The following ITGA2B variants were observed in gnomAD, a reference collection of about 807,000 sequenced individuals.
The protein encoded by ITGA2B is integrin subunit alpha 2b, also known as integrin alpha-IIb.
ITGA2B carries 91 observed loss-of-function variants against 142.0 expected under a neutral mutation model. The ratio of observed to expected loss-of-function variants is 0.64; its 90% CI spans 0.54 to 0.76. ITGA2B has a LOEUF of 0.76. Among genes scored for constraint, ITGA2B ranks in the 30% least tolerant of loss-of-function variants. The pLI is 0.00. For missense variants in ITGA2B, 1,231 were observed against 1,350.8 expected, an observed-to-expected ratio of 0.91 and a Z score of 1.39; for synonymous variants, 536 against 567.2, an observed-to-expected ratio of 0.94 and a Z score of 0.78.
intron 27 of ITGA2B, 117 bp from the exon 28 acceptor site, chr17:44,374,877 C>A: frequency 2.4e-6 from 3 of 1,255,388 alleles, no homozygotes; most frequent in Non-Finnish European, 3.4e-6. Flanking sequence ...CCACTGCAAT[C>A]CCCCAAAGTA....
Position 44,385,435 on chromosome 17 carries a change from G to T in ITGA2B, c.575-100C>A, listed in dbSNP as rs2048637635. On this transcript the variant is annotated intron_variant, in intron 4 of 29. Coordinates refer to ENST00000262407, the MANE Select transcript of ITGA2B (RefSeq NM_000419.5). ...ACAGGGGCGGGGCCTTGAGTCGGCG[G>T]GGCCCTGGGGCGAGGCCAGATCCAA... 3.9e-6 allele frequency: 6 copies of T among 1,527,798 alleles called. No homozygotes were observed. The Admixed American group carries it at 1.2e-4, about 30-fold the overall frequency. The allele number at this position is 1,527,798 out of a possible 1,614,324, so 94.6% of individuals were successfully genotyped here. A position where few individuals can be genotyped will look rare whatever the true frequency, so the allele number is the denominator to read the frequency against.
At chr17:44,374,551 C>T (rs892877453) in intron 28 of ITGA2B, 81 bp from the exon 29 acceptor site, 1 of 1,525,772 alleles carries the variant, frequency 6.6e-7, no homozygotes, top group Non-Finnish European at 9.1e-7. Flanking sequence ...TGGTGACCTC[C>T]AGCCATGCCA....
Position 44,374,644 on chromosome 17 carries a change from T to TC in ITGA2B, c.2943+14dup. On this transcript the variant is annotated intron_variant, in intron 28 of 29. Transcript: ENST00000262407. ...TCCTGCAGGACTGGTCTCTGCTCCATCCCCCCACACTCACCTGAGCTTCCC... is the reference window on the plus strand; with the variant it reads ...TCCTGCAGGACTGGTCTCTGCTCCATCCCCCCCACACTCACCTGAGCTTCCC... 5.0e-6 allele frequency: 8 copies of TC among 1,603,010 alleles called. No individual in the cohort carries two copies. The highest frequency in any genetic ancestry group is 6.8e-6 in the Non-Finnish European group (8 of 1,170,158).
At position 44,385,909 on chromosome 17, in the gene ITGA2B, C is replaced by T. The variant is rs1425022869; in HGVS notation, c.323G>A (p.Arg108Gln). Residue 108 changes from arginine (R) to glutamine (Q), a missense_variant, in exon 3 of 30, where the codon CGA (arginine) becomes CAA (glutamine). By Grantham distance (43) the Arg-to-Gln change is conservative. Transcript: ENST00000262407. ...TTGTAAAGTTTGGGAGCCTACATTT[C>T]GGGTCTCATCACCTGGAAGGCACAA... ...SLLFDLRDETRNVGSQTLQTF... is the reference protein window; with the variant it reads ...SLLFDLRDETQNVGSQTLQTF... 2 of 1,612,602 alleles carry T rather than the reference C, an allele frequency of 1.2e-6. No individual in the cohort carries two copies. Among genetic ancestry groups the T allele is most frequent in the African/African-American group, 1.3e-5 (1 of 75,022 alleles).
intron 12 of ITGA2B, among the ~76,000 whole-genome samples, chr17:44,382,806 C>T (rs79623095): frequency 0.011 from 1,607 of 152,250 alleles, 36 homozygotes; most frequent in African/African-American, 0.037. Context: ...CCTTGAGTCC[C>T]GGGCCATCAG....
In ITGA2B at chr17:44,374,371, C is replaced by A; in HGVS notation, c.3043G>T (p.Val1015Phe). 1.2e-6 allele frequency: 2 copies of A among 1,614,084 alleles called. No individual in the cohort carries two copies. Among genetic ancestry groups the A allele is most frequent in the Non-Finnish European group, 8.5e-7 (1 of 1,179,958 alleles). The change falls in exon 29 of 30, where the codon GTC (valine) becomes TTC (phenylalanine). Residue 1015 changes from valine to phenylalanine, a missense_variant. This residue lies in a region of ITGA2B where 908 missense variants were observed against 1,021.1 expected (regional missense o/e 0.89). Transcript: ENST00000262407. ...LGGLLLLTIL[V>F]LAMWKVGFFK... ...CACCTCACCTTCCACATGGCCAGGACCAGGATGGTGAGCAGCAGCAGGCCA... is the reference window on the plus strand; with the variant it reads ...CACCTCACCTTCCACATGGCCAGGAACAGGATGGTGAGCAGCAGCAGGCCA...
chr17:44,386,036 T>A lies in ITGA2B; in HGVS notation c.284A>T (p.Gln95Leu). 2.5e-6 allele frequency: 4 copies of A among 1,613,452 alleles called. No homozygotes were observed. The highest frequency in any genetic ancestry group is 3.4e-6 in the Non-Finnish European group (4 of 1,179,934). ...GAGGTCAAAGAGCAGCGAGGGGCACTGGCCGCCCTCGGCCCTCCAGGGGCA... is the reference window on the plus strand; with the variant it reads ...GAGGTCAAAGAGCAGCGAGGGGCACAGGCCGCCCTCGGCCCTCCAGGGGCA... Reference protein sequence around the residue: ...FLCPWRAEGGQCPSLLFDLRD... With the variant: ...FLCPWRAEGGLCPSLLFDLRD... Residue 95 changes from glutamine to leucine, a missense_variant, in exon 2 of 30, where the codon CAG becomes CTG. Transcript: ENST00000262407.
At chr17:44,378,234 A>C (rs2048561868) in intron 20 of ITGA2B, 128 bp downstream of exon 20, 1 of 1,267,110 alleles carries the variant, frequency 7.9e-7, no homozygotes, top group Non-Finnish European at 1.0e-6. Context: ...AAATTAAAAA[A>C]AAAATAAAAA....
Position 44,376,201 on chromosome 17 carries a change from C to T in ITGA2B, c.2349-17G>A. The T allele has an allele frequency of 6.2e-7, 1 of 1,614,066 alleles. No individual in the cohort carries two copies. The highest frequency in any genetic ancestry group is 8.5e-7 in the Non-Finnish European group (1 of 1,179,960). ...AAGGAGTTCCTGCAGGTGCCCAAGA[C>T]CCCCAGAGAGAGTGTGATGCCCTGA... On this transcript the variant is annotated splice_polypyrimidine_tract_variant and intron_variant, in intron 23 of 29. Coordinates refer to ENST00000262407, the MANE Select transcript of ITGA2B (RefSeq NM_000419.5).
At position 44,374,405 on chromosome 17, in the gene ITGA2B, A is replaced by C; in HGVS notation, c.3009T>G (p.Gly1003=). The change falls in exon 29 of 30, where the codon GGT becomes GGG. Residue 1003 remains glycine (G), a synonymous_variant. Transcript: ENST00000262407. ...RAIPIWWVLV[G]VLGGLLLLTI... ...TGAGCAGCAGCAGGCCACCCAGCAC[A>C]CCCACCAGCACCCACCAGATTGGAA... 6.2e-7 allele frequency: 1 copy of C among 1,613,988 alleles called. No individual in the cohort carries two copies. Among genetic ancestry groups the C allele is most frequent in the South Asian group, 1.1e-5 (1 of 91,070 alleles).
chr17:44,385,021 G>A lies in ITGA2B; in HGVS notation c.726C>T (p.Ile242=). Residue 242 remains isoleucine, a synonymous_variant, in exon 7 of 30, where the codon ATC becomes ATT. Coordinates refer to ENST00000262407, the MANE Select transcript of ITGA2B (RefSeq NM_000419.5). Reference sequence around the variant, plus strand: ...TCTGGGAGGACACGTGCCACAAAAGGATGCCTGGGCGGTAACTCGAGAAAA... The same window carrying A: ...TCTGGGAGGACACGTGCCACAAAAGAATGCCTGGGCGGTAACTCGAGAAAA... ...ADIFSSYRPG[I]LLWHVSSQSL... 3 of 1,614,212 alleles carry A rather than the reference G, an allele frequency of 1.9e-6. No homozygotes were observed. The highest frequency in any genetic ancestry group is 2.2e-5 in the East Asian group (1 of 44,878).
At chr17:44,377,898 G>GGGGT in intron 20 of ITGA2B, 108 bp from the exon 21 acceptor site, 2 of 339,576 alleles carry the variant, frequency 5.9e-6, no homozygotes, top group South Asian at 2.1e-5. Flanking sequence ...GGAGGGGGGG[G>GGGGT]TTTCTTGGGG....
chr17:44,378,411 AC>A lies in ITGA2B; in HGVS notation c.2044del (p.Val682CysfsTer13). The A allele has an allele frequency of 6.2e-7, 1 of 1,613,508 alleles. No homozygotes were observed. Among genetic ancestry groups the A allele is most frequent in the Non-Finnish European group, 8.5e-7 (1 of 1,179,950 alleles). On this transcript the variant is annotated frameshift_variant, in exon 20 of 30. Coordinates refer to ENST00000262407, the MANE Select transcript of ITGA2B (RefSeq NM_000419.5). LOFTEE classifies it high-confidence loss of function. ...GEGAYEAELA[V>X]HLPQGAHYMR... ...GTAGTGGGCGCCCTGGGGCAGGTGC[AC>A]GGCCAGCTCTGCTTCATAGGCCCCC...
intron 1 of ITGA2B, among the ~76,000 whole-genome samples, chr17:44,388,351 CTTTTT>C (rs35720866): frequency 2.1e-5 from 2 of 97,346 alleles, no homozygotes; most frequent in African/African-American, 9.2e-5. Context: ...CATTTCCTTT[CTTTTT>C]TTTTTTTTTT....
chr17:44,385,628 G>T lies in ITGA2B; in HGVS notation c.497C>A (p.Pro166Gln), dbSNP rs754999326. Residue 166 changes from proline to glutamine, a missense_variant, in exon 4 of 30, where the codon CCA becomes CAA. By Grantham distance (76) the Pro-to-Gln change is moderately conservative. Coordinates refer to ENST00000262407, the MANE Select transcript of ITGA2B (RefSeq NM_000419.5). ...GTACTCGGCGCGGCGGCCGCTCTCT[G>T]GCTGAGCCAAAAAGCAGCTACCTAC... is the stretch of plus-strand genomic sequence containing the variant. The part of the protein sequence containing the change: ...TPVGSCFLAQ[P>Q]ESGRRAEYSP... 1 of 1,613,200 alleles carries T rather than the reference G, an allele frequency of 6.2e-7. No individual in the cohort carries two copies. The highest frequency in any genetic ancestry group is 2.2e-5 in the East Asian group (1 of 44,872).
intron 20 of ITGA2B, 90 bp from the exon 21 acceptor site, chr17:44,377,880 C>G: frequency 5.2e-6 from 3 of 573,750 alleles, no homozygotes; most frequent in Non-Finnish European, 9.0e-6. Flanking sequence ...ATTTGTGTGC[C>G]AAGGTAGGGA....
intron 26 of ITGA2B, 30 bp downstream of exon 26, chr17:44,375,561 G>A (rs563720589): frequency 1.2e-6 from 2 of 1,611,756 alleles, no homozygotes; most frequent in South Asian, 2.2e-5. Flanking sequence ...TCCCGGGGAG[G>A]CCGGGCCAGA....
chr17:44,380,307 A>G lies in ITGA2B; in HGVS notation c.1545-6T>C. The G allele has an allele frequency of 4.3e-6, 7 of 1,614,172 alleles. No homozygotes were observed. The highest frequency in any genetic ancestry group is 5.9e-6 in the Non-Finnish European group (7 of 1,180,030). On this transcript the variant is annotated splice_polypyrimidine_tract_variant and splice_region_variant and intron_variant, in intron 15 of 29. Coordinates refer to ENST00000262407, the MANE Select transcript of ITGA2B (RefSeq NM_000419.5). ...CACACATCTGGATGTTGAAGCTGCA[A>G]AGACGTAAGTGGGGCTCAGGGGTTG...
chr17:44,375,594 G>A lies in ITGA2B; in HGVS notation c.2724C>T (p.Leu908=), dbSNP rs1172203866. 4 of 1,614,064 alleles carry A rather than the reference G, an allele frequency of 2.5e-6. No individual in the cohort carries two copies. Among genetic ancestry groups the A allele is most frequent in the Non-Finnish European group, 3.4e-6 (4 of 1,180,004 alleles). ...EQPSRLQDPV[L]VSCDSAPCTV... Reference sequence around the variant, plus strand: ...AGAGACCAGAGAGCCTGCTCACTACGAGAACTGGATCCTGAAGCCTCGAGG... The same window carrying A: ...AGAGACCAGAGAGCCTGCTCACTACAAGAACTGGATCCTGAAGCCTCGAGG... The change falls in exon 26 of 30, where the codon CTC becomes CTT. Residue 908 remains leucine, a synonymous_variant. Transcript: ENST00000262407.
Sources: allele counts gnomAD v4.1 joint callset (sites outside exome capture counted in the v4.1 genomes callset), GRCh38; gene constraint gnomAD v4.1.1; regional missense constraint gnomAD v4.1.1; transcripts MANE v1.5; gene names NCBI Gene and HGNC (gene_info 2026-07-23, HGNC 2026-07-21).